The following TTC28 variants were observed in gnomAD, a reference collection of about 807,000 sequenced individuals.
TTC28 encodes tetratricopeptide repeat protein 28.
In TTC28, 61 loss-of-function variants were observed where a neutral mutation model predicts 198.0. The ratio of observed to expected loss-of-function variants is 0.31; its 90% CI spans 0.25 to 0.38. The LOEUF (loss-of-function observed/expected upper bound fraction) is 0.38. Ranked by LOEUF, TTC28 falls within the 10% of genes least tolerant of loss-of-function variation. TTC28 has a pLI of 1.00. For missense variants in TTC28, 2,678 were observed against 3,164.0 expected (o/e 0.85, Z 3.69); for synonymous variants, 1,171 against 1,297.8 (o/e 0.90, Z 2.10).
chr22:28,194,804 A>C (rs910067360), intron 5 of TTC28, among the ~76,000 whole-genome samples: 3 of 116,972 alleles, frequency 2.6e-5, no homozygotes, highest in Non-Finnish European at 5.2e-5. Context: ...ATAGCCTACC[A>C]ATCAAAAAAT....
chr22:27,996,329 G>A, intron 16 of TTC28, 70 bp from the exon 17 acceptor site: 1 of 1,519,038 alleles, frequency 6.6e-7, no homozygotes, highest in Non-Finnish European at 8.8e-7. Context: ...GGCTTCCAGG[G>A]CTCACTTACG....
At chr22:28,620,503 A>G (rs1317035637) in intron 2 of TTC28, among the ~76,000 whole-genome samples, 2 of 152,256 alleles carry the variant, frequency 1.3e-5, no homozygotes, top group African/African-American at 4.8e-5. Context: ...AGACAAAAGC[A>G]GAGCTTTCAA....
intron 2 of TTC28, among the ~76,000 whole-genome samples, chr22:28,474,376 G>A (rs574471788): frequency 6.6e-6 from 1 of 152,172 alleles, no homozygotes; most frequent in Admixed American, 6.6e-5. Flanking sequence ...TCTGGAACCT[G>A]AGATGAAGAC....
chr22:28,102,883 A>C (rs554885235), intron 8 of TTC28, among the ~76,000 whole-genome samples: 1 of 152,374 alleles, frequency 6.6e-6, no homozygotes, highest in Non-Finnish European at 1.5e-5. Flanking sequence ...ATAGAAAAAC[A>C]TATGAAAGAA....
At chr22:28,086,411 C>T (rs943472891) in intron 12 of TTC28, among the ~76,000 whole-genome samples, 3 of 152,122 alleles carry the variant, frequency 2.0e-5, no homozygotes, top group Admixed American at 6.6e-5. Flanking sequence ...TCCTGAATGA[C>T]TACTGGGTAC....
At chr22:28,370,668 A>G (rs549768590) in intron 2 of TTC28, among the ~76,000 whole-genome samples, 1 of 152,342 alleles carries the variant, frequency 6.6e-6, no homozygotes, top group East Asian at 1.9e-4. Context: ...GAAGAAAGGT[A>G]AAGATACAGA....
intron 2 of TTC28, among the ~76,000 whole-genome samples, chr22:28,322,116 C>T (rs1315130662): frequency 6.6e-6 from 1 of 152,168 alleles, no homozygotes; most frequent in East Asian, 1.9e-4. Context: ...AGGCATGAGC[C>T]ACCGTGCCTG....
rs2044927808 is a variant in TTC28, at chr22:28,297,715, G to A, written c.667C>T (p.Leu223=). The A allele has an allele frequency of 1.3e-6, 2 of 1,551,668 alleles. No homozygotes were observed. The highest frequency in any genetic ancestry group is 1.2e-5 in the South Asian group (1 of 84,052). ...TTGAGGCTGCAGGTGCCAATCTTCAGTGCGGCTTCTAAGACAACCACAGAG... is the reference window on the plus strand; with the variant it reads ...TTGAGGCTGCAGGTGCCAATCTTCAATGCGGCTTCTAAGACAACCACAGAG... ...GASVVVLEAA[L]KIGTCSLKLR... is the part of the protein sequence containing the mutation. Residue 223 remains leucine, a synonymous_variant, in exon 4 of 23, where the codon CTG becomes TTG. Transcript: ENST00000397906.
intron 12 of TTC28, among the ~76,000 whole-genome samples, chr22:28,044,163 TATTTGAATGAGGCTAG>T (rs1377644518): frequency 6.6e-6 from 1 of 152,232 alleles, no homozygotes; most frequent in East Asian, 1.9e-4. Flanking sequence ...GAAATGCTTA[TATTTGAATGAGGCTAG>T]ATTTAATTCC....
chr22:28,494,539 T>C (rs1263202583), intron 2 of TTC28, among the ~76,000 whole-genome samples: 1 of 152,144 alleles, frequency 6.6e-6, no homozygotes, highest in Non-Finnish European at 1.5e-5. Context: ...AACCCCTCAC[T>C]AGAGACTTTC....
chr22:28,387,989 A>C (rs185576717), intron 2 of TTC28, among the ~76,000 whole-genome samples: 3,562 of 152,270 alleles, frequency 0.023, 60 homozygotes, highest in Non-Finnish European at 0.033. Context: ...TCTAACGTTT[A>C]AGTCTTTAAT....
At chr22:28,283,128 T>G (rs1368123733) in intron 5 of TTC28, among the ~76,000 whole-genome samples, 1 of 152,168 alleles carries the variant, frequency 6.6e-6, no homozygotes, top group Admixed American at 6.5e-5. Flanking sequence ...TGAGAGTTAC[T>G]GTTTAGCAAT....
intron 2 of TTC28, among the ~76,000 whole-genome samples, chr22:28,601,681 C>A (rs1367413085): frequency 6.6e-6 from 1 of 151,738 alleles, no homozygotes; most frequent in Admixed American, 6.6e-5. Flanking sequence ...GATGACTATA[C>A]TAAGATTATA....
intron 1 of TTC28, among the ~76,000 whole-genome samples, chr22:28,634,702 G>A (rs1336522550): frequency 2.7e-5 from 4 of 150,422 alleles, no homozygotes; most frequent in African/African-American, 9.8e-5. Context: ...CTCCTGCCTC[G>A]GCCTCCTGAG....
At chr22:28,187,276 C>G (rs1414096965) in intron 5 of TTC28, among the ~76,000 whole-genome samples, 2 of 152,136 alleles carry the variant, frequency 1.3e-5, no homozygotes, top group African/African-American at 4.8e-5. Context: ...TGAAAAATAC[C>G]AGTCCTAAAA....
intron 2 of TTC28, among the ~76,000 whole-genome samples, chr22:28,314,791 C>G (rs556692174): frequency 4.0e-5 from 6 of 151,894 alleles, no homozygotes; most frequent in African/African-American, 1.2e-4. Context: ...GAGAATTGCT[C>G]GAGCCCAAGA....
intron 5 of TTC28, among the ~76,000 whole-genome samples, chr22:28,277,759 C>T (rs2044497968): frequency 1.3e-5 from 2 of 152,160 alleles, no homozygotes; most frequent in South Asian, 4.1e-4. Context: ...CCTCTTTAAA[C>T]TTTAGTTTTC....
chr22:28,489,966 A>G (rs1022118917), intron 2 of TTC28, among the ~76,000 whole-genome samples: 1 of 152,024 alleles, frequency 6.6e-6, no homozygotes. Flanking sequence ...GAGTCCCAAA[A>G]CTGAAGAACT....
chr22:28,217,819 T>C (rs1227111381), intron 5 of TTC28, among the ~76,000 whole-genome samples: 1 of 152,204 alleles, frequency 6.6e-6, no homozygotes, highest in East Asian at 1.9e-4. Context: ...CCCATTAGAA[T>C]TACAAATCCT....
Sources: gnomAD v4.1 joint callset for allele counts (sites outside exome capture counted in the v4.1 genomes callset) on GRCh38, gnomAD v4.1.1 for gene constraint, MANE v1.5 for transcripts, NCBI Gene and HGNC (gene_info 2026-07-23, HGNC 2026-07-21) for gene names.